The following TNR variants were observed in gnomAD, a reference collection of about 807,000 sequenced individuals.
The protein encoded by TNR is tenascin R.
Under a neutral mutation model 150.4 loss-of-function variants are expected in TNR, and 45 were observed. The ratio of observed to expected loss-of-function variants is 0.30; its 90% CI spans 0.24 to 0.38. The LOEUF (loss-of-function observed/expected upper bound fraction) is 0.38. Among genes scored for constraint, TNR ranks in the 10% least tolerant of loss-of-function variants. The probability of loss-of-function intolerance (pLI) is 1.00; values close to 1 mark genes in which losing one functional copy is unlikely to be tolerated. For synonymous variants in TNR, 687 were observed against 678.4 expected (o/e 1.01, Z -0.20); for missense variants, 1,544 against 1,759.1 (o/e 0.88, Z 2.19).
chr1:175,363,979 C>A, intron 12 of TNR, 152 bp from the exon 13 acceptor site: 1 of 956,056 alleles, frequency 1.0e-6, no homozygotes, highest in Non-Finnish European at 1.5e-6. Flanking sequence ...ACCATGGTCA[C>A]GCTGATGTTT....
intron 1 of TNR, among the ~76,000 whole-genome samples, chr1:175,541,272 G>A (rs1197885476): frequency 6.6e-6 from 1 of 152,196 alleles, no homozygotes; most frequent in Non-Finnish European, 1.5e-5. Context: ...CTTTAGCTTG[G>A]CCTGCAGGAG....
intron 1 of TNR, among the ~76,000 whole-genome samples, chr1:175,662,779 C>T (rs1049065101): frequency 6.6e-6 from 1 of 152,180 alleles, no homozygotes; most frequent in East Asian, 1.9e-4. Context: ...CCGAGAAGGC[C>T]TATTACTGGT....
chr1:175,710,190 AAG>A (rs1221133633), intron 1 of TNR, among the ~76,000 whole-genome samples: 2 of 152,084 alleles, frequency 1.3e-5, no homozygotes, highest in African/African-American at 4.8e-5. Flanking sequence ...TTGTCTAGGA[AAG>A]AGAGGATGGC....
rs150414846 is a variant in TNR, at chr1:175,631,799, G to GT, written c.-164-103431dup. Among the ~76,000 whole-genome samples the GT allele has an allele frequency of 1.7e-3, 253 of 152,276 alleles. 3 individuals carry two copies. The highest frequency in any genetic ancestry group is 6.0e-3 in the African/African-American group (248 of 41,546). On this transcript the variant is annotated intron_variant, in intron 1 of 22. Transcript: ENST00000367674. Reference sequence around the variant, plus strand: ...GACACACACCAAACTCTAAACATTGGTTTTCTCAGTCAAGAGGAATTGGGG... The same window carrying GT: ...GACACACACCAAACTCTAAACATTGGTTTTTCTCAGTCAAGAGGAATTGGGG...
intron 1 of TNR, among the ~76,000 whole-genome samples, chr1:175,648,194 CTG>C (rs1664860322): frequency 6.6e-6 from 1 of 152,224 alleles, no homozygotes; most frequent in African/African-American, 2.4e-5. Flanking sequence ...CCTAACGAGA[CTG>C]TGAGTTCTTT....
rs554930029 is a variant in TNR, at chr1:175,535,804, C to A, written c.-164-7435G>T. Among the ~76,000 whole-genome samples the A allele has an allele frequency of 2.0e-5, 3 of 152,242 alleles. No individual in the cohort carries two copies. The East Asian group carries it at 5.8e-4, about 29-fold the overall frequency. ...TTCATCAAGCTTTATGGCAGTGGTT[C>A]TTATCCTGGGGTTCACAGAGGGTCC... is the stretch of plus-strand genomic sequence containing the variant. On this transcript the variant is annotated intron_variant, in intron 1 of 22. Coordinates refer to ENST00000367674, the MANE Select transcript of TNR (RefSeq NM_003285.3).
In TNR at chr1:175,703,101, C is replaced by T. The variant is rs550974051; in HGVS notation, c.-165+40125G>A. On this transcript the variant is annotated intron_variant, in intron 1 of 22. Coordinates refer to ENST00000367674, the MANE Select transcript of TNR (RefSeq NM_003285.3). ...GGGAGGGAAGACAAAAATAAGTATT[C>T]TCTGAGAGTAGTTTTTTCTCTGATA... 4.0e-5 allele frequency among the ~76,000 whole-genome samples: 6 copies of T among 151,780 alleles called. No homozygotes were observed. In the South Asian group the frequency reaches 1.2e-3, roughly 32 times the overall value.
At chr1:175,417,056 A>AAAGAAAGAAAGAAAGAAAGAAAGG (rs1335807773) in intron 2 of TNR, among the ~76,000 whole-genome samples, 3 of 103,056 alleles carry the variant, frequency 2.9e-5, no homozygotes, top group Non-Finnish European at 4.3e-5. Flanking sequence ...AGAAAGAAAG[A>AAAGAAAGAAAGAAAGAAAGAAAGG]AAGAAAGAAA....
intron 4 of TNR, 114 bp from the exon 5 acceptor site, chr1:175,396,921 G>T: frequency 7.4e-7 from 1 of 1,357,614 alleles, no homozygotes; most frequent in African/African-American, 1.5e-5. Context: ...TGTCCTGCTG[G>T]GCTCAATGGC....
intron 1 of TNR, among the ~76,000 whole-genome samples, chr1:175,595,141 TG>T (rs1455148973): frequency 1.3e-5 from 2 of 152,154 alleles, no homozygotes; most frequent in African/African-American, 4.8e-5. Context: ...CACTCCAGCC[TG>T]GGTGACAGAG....
At chr1:175,368,042 G>C (rs765207066) in intron 9 of TNR, among the ~76,000 whole-genome samples, 1 of 152,214 alleles carries the variant, frequency 6.6e-6, no homozygotes, top group Non-Finnish European at 1.5e-5. Context: ...AAGGATCTCT[G>C]AGAACCTCCT....
chr1:175,669,649 C>A (rs777055689), intron 1 of TNR, among the ~76,000 whole-genome samples: 2 of 152,164 alleles, frequency 1.3e-5, no homozygotes, highest in African/African-American at 2.4e-5. Flanking sequence ...CATCACCAGC[C>A]GAGCCAGGGT....
At chr1:175,670,275 A>G (rs999495260) in intron 1 of TNR, among the ~76,000 whole-genome samples, 3 of 152,284 alleles carry the variant, frequency 2.0e-5, no homozygotes, top group African/African-American at 7.2e-5. Flanking sequence ...GGGGATTTCA[A>G]TCACATCAGG....
intron 2 of TNR, among the ~76,000 whole-genome samples, chr1:175,515,878 G>A (rs1387173696): frequency 1.3e-5 from 2 of 152,166 alleles, no homozygotes; most frequent in Non-Finnish European, 2.9e-5. Context: ...ATTGGGATGA[G>A]GGCTTCAAAA....
At chr1:175,565,213 T>G (rs16848658) in intron 1 of TNR, among the ~76,000 whole-genome samples, 22,961 of 152,214 alleles carry the variant, frequency 0.15, 2,147 homozygotes, top group African/African-American at 0.26. Context: ...GAGGGTGCTG[T>G]CTTTCTAAGA....
intron 1 of TNR, among the ~76,000 whole-genome samples, chr1:175,684,659 T>C (rs1327487632): frequency 6.6e-6 from 1 of 152,232 alleles, no homozygotes; most frequent in Non-Finnish European, 1.5e-5. Flanking sequence ...ATGATGCATA[T>C]TGAACATTTC....
intron 1 of TNR, among the ~76,000 whole-genome samples, chr1:175,543,874 C>A (rs115561176): frequency 0.02 from 3,055 of 152,104 alleles, 45 homozygotes; most frequent in Non-Finnish European, 0.029. Flanking sequence ...CTGAAAGGTG[C>A]CCAGACTAGG....
chr1:175,694,982 T>A (rs145733897), intron 1 of TNR, among the ~76,000 whole-genome samples: 2,277 of 152,312 alleles, frequency 0.015, 70 homozygotes, highest in African/African-American at 0.051. Context: ...AGCTATAACG[T>A]CCTCTTGGCT....
chr1:175,737,396 C>T (rs1278611214), intron 1 of TNR, among the ~76,000 whole-genome samples: 1 of 152,208 alleles, frequency 6.6e-6, no homozygotes, highest in East Asian at 1.9e-4. Context: ...AGGGCATTCT[C>T]TGTGCCAAAC....
Sources: gnomAD v4.1 joint callset for allele counts (sites outside exome capture counted in the v4.1 genomes callset) on GRCh38, gnomAD v4.1.1 for gene constraint, MANE v1.5 for transcripts, NCBI Gene and HGNC (gene_info 2026-07-23, HGNC 2026-07-21) for gene names.